Variants in PRKG1 observed in about 807,000 individuals in gnomAD.
PRKG1 encodes the protein protein kinase cGMP-dependent 1.
In PRKG1, 35 loss-of-function variants were observed where a neutral mutation model predicts 88.1. That is an observed-to-expected ratio of 0.40 (90% CI 0.30 to 0.53). The LOEUF (loss-of-function observed/expected upper bound fraction) is 0.53. Ranked by LOEUF, PRKG1 falls within the 20% of genes least tolerant of loss-of-function variation. PRKG1 has a pLI of 0.59. For missense variants in PRKG1, 540 were observed against 839.8 expected, an observed-to-expected ratio of 0.64 and a Z score of 4.41; for synonymous variants, 303 against 292.5, an observed-to-expected ratio of 1.04 and a Z score of -0.37.
At chr10:51,408,238 G>A (rs1201271319) in intron 2 of PRKG1, among the ~76,000 whole-genome samples, 1 of 152,186 alleles carries the variant, frequency 6.6e-6, no homozygotes, top group Non-Finnish European at 1.5e-5. Context: ...TTGTTACCTA[G>A]TTGGTATTGT....
intron 5 of PRKG1, among the ~76,000 whole-genome samples, chr10:51,957,107 C>CTT (rs1554860415): frequency 2.3e-4 from 27 of 117,402 alleles, no homozygotes; most frequent in South Asian, 1.6e-3. Flanking sequence ...CTTTCTCTCT[C>CTT]TCTTTCTTTC....
intron 3 of PRKG1, among the ~76,000 whole-genome samples, chr10:51,552,264 C>A (rs1837158308): frequency 6.6e-6 from 1 of 151,588 alleles, no homozygotes; most frequent in Non-Finnish European, 1.5e-5. Context: ...AATTATACAG[C>A]AAAAAGTTTC....
chr10:51,796,128 A>G (rs933768671), intron 3 of PRKG1, among the ~76,000 whole-genome samples: 4 of 152,126 alleles, frequency 2.6e-5, no homozygotes, highest in Admixed American at 2.0e-4. Flanking sequence ...AATTCAATTC[A>G]GAGTATATTT....
At chr10:51,198,178 A>G (rs1234193583) in intron 2 of PRKG1, among the ~76,000 whole-genome samples, 4 of 152,108 alleles carry the variant, frequency 2.6e-5, no homozygotes, top group Admixed American at 6.6e-5. Flanking sequence ...GTGGTATTAG[A>G]TCTTATTTAT....
In PRKG1 at chr10:50,991,347, GAA is replaced by G. The variant is rs749095968; in HGVS notation, c.-28_-27del. On this transcript the variant is annotated 5_prime_UTR_variant, in exon 1 of 18. Coordinates refer to the PRKG1 transcript ENST00000401604. This position sits in a 1 kb window ranked among gnomAD's most constrained non-coding sequence, Gnocchi z 4.5. ...CGCCGCCGCCGCCGCCGCCGCCCGA[GAA>G]AAAGTTTCGCGGAGGGGCTCAGTGA... The G allele has an allele frequency of 1.4e-6, 2 of 1,478,426 alleles. No homozygotes were observed. Among genetic ancestry groups the G allele is most frequent in the South Asian group, 2.6e-5 (2 of 77,086 alleles). The allele number at this position is 1,478,426 out of a possible 1,614,324, so 91.6% of individuals were successfully genotyped here.
At chr10:51,325,578 TTTG>T (rs1236233638) in intron 2 of PRKG1, among the ~76,000 whole-genome samples, 1 of 152,208 alleles carries the variant, frequency 6.6e-6, no homozygotes, top group Non-Finnish European at 1.5e-5. Flanking sequence ...TTCTCTTCGC[TTTG>T]TTGTTTCATT....
At chr10:51,121,130 T>G (rs1845249576) in intron 1 of PRKG1, among the ~76,000 whole-genome samples, 1 of 152,178 alleles carries the variant, frequency 6.6e-6, no homozygotes, top group Admixed American at 6.6e-5. Context: ...TCTCCCTCAC[T>G]TACAAGTATC....
chr10:51,614,277 A>G (rs1838987374), intron 3 of PRKG1, among the ~76,000 whole-genome samples: 1 of 151,820 alleles, frequency 6.6e-6, no homozygotes, highest in African/African-American at 2.4e-5. Flanking sequence ...TTTGCCTTAA[A>G]GTCTGTTTTA....
intron 2 of PRKG1, among the ~76,000 whole-genome samples, chr10:51,157,420 G>T (rs1424476342): frequency 6.6e-6 from 1 of 151,868 alleles, no homozygotes; most frequent in Non-Finnish European, 1.5e-5. Flanking sequence ...TTTGGATACA[G>T]TTTATTTTCT....
chr10:51,322,454 A>G (rs1295398398), intron 2 of PRKG1, among the ~76,000 whole-genome samples: 2 of 152,200 alleles, frequency 1.3e-5, no homozygotes, highest in Non-Finnish European at 2.9e-5. Context: ...TTCCAAGTCC[A>G]AGGACTTGCT....
chr10:51,884,467 A>G (rs1315923442), intron 4 of PRKG1, among the ~76,000 whole-genome samples: 2 of 144,414 alleles, frequency 1.4e-5, no homozygotes, highest in African/African-American at 5.3e-5. Flanking sequence ...AAAAAAAAAA[A>G]AAAGAAAAGT....
At chr10:51,148,230 G>A (rs1415714026) in intron 1 of PRKG1, 1 of 985,094 alleles carries the variant, frequency 1.0e-6, no homozygotes, top group East Asian at 1.1e-4. Context: ...GGATGTCTGA[G>A]TTCCCAAATG....
At chr10:51,652,203 C>A (rs1295464640) in intron 3 of PRKG1, among the ~76,000 whole-genome samples, 1 of 151,990 alleles carries the variant, frequency 6.6e-6, no homozygotes, top group African/African-American at 2.4e-5. Flanking sequence ...TATACTATTA[C>A]AACTCCTTTG....
At chr10:52,098,733 GGGAATTTGGGAA>G (rs1847230133) in intron 7 of PRKG1, among the ~76,000 whole-genome samples, 1 of 152,194 alleles carries the variant, frequency 6.6e-6, no homozygotes, top group Admixed American at 6.5e-5. Flanking sequence ...ATCAGAAAAT[GGGAATTTGGGAA>G]GAATAGCTGA....
At chr10:51,778,734 A>G (rs761519436) in intron 3 of PRKG1, among the ~76,000 whole-genome samples, 1 of 152,122 alleles carries the variant, frequency 6.6e-6, no homozygotes, top group Non-Finnish European at 1.5e-5. Flanking sequence ...AGTAGATATG[A>G]TATTTACCTG....
At chr10:52,155,241 A>G (rs1838060415) in intron 8 of PRKG1, among the ~76,000 whole-genome samples, 1 of 152,092 alleles carries the variant, frequency 6.6e-6, no homozygotes, top group Non-Finnish European at 1.5e-5. Flanking sequence ...ACTATTTTCC[A>G]TAGTGGTTAT....
intron 5 of PRKG1, among the ~76,000 whole-genome samples, chr10:52,041,525 T>G (rs1023067703): frequency 1.3e-5 from 2 of 152,216 alleles, no homozygotes; most frequent in Admixed American, 6.5e-5. Flanking sequence ...TTCTCTCCAG[T>G]TATCTGGAAT....
chr10:51,970,048 A>T (rs567549157), intron 5 of PRKG1, among the ~76,000 whole-genome samples: 2 of 133,810 alleles, frequency 1.5e-5, no homozygotes, highest in Non-Finnish European at 3.2e-5. Flanking sequence ...ACACACACAC[A>T]CACCCATATT....
At chr10:51,420,621 A>G (rs1354560753) in intron 2 of PRKG1, among the ~76,000 whole-genome samples, 1 of 152,202 alleles carries the variant, frequency 6.6e-6, no homozygotes, top group Admixed American at 6.5e-5. Flanking sequence ...TGGCTGACAA[A>G]GGTTTCACAA....
Sources: allele counts gnomAD v4.1 joint callset (sites outside exome capture counted in the v4.1 genomes callset), GRCh38; gene constraint gnomAD v4.1.1; non-coding constraint Gnocchi (gnomAD v3.1); transcripts MANE v1.5; gene names NCBI Gene and HGNC (gene_info 2026-07-23, HGNC 2026-07-21).